The following LSAMP variants were observed in gnomAD, a reference collection of about 807,000 sequenced individuals.
LSAMP encodes the protein limbic system associated membrane protein, also known as limbic system-associated membrane protein.
A neutral mutation model predicts 38.6 loss-of-function variants in LSAMP; 7 were observed. The observed-to-expected ratio is 0.18, with a 90% confidence interval of 0.10 to 0.34. LSAMP has a LOEUF of 0.34. Among genes scored for constraint, LSAMP ranks in the 10% least tolerant of loss-of-function variants. LSAMP has a pLI of 1.00. For synonymous variants in LSAMP, 154 were observed against 166.8 expected (o/e 0.92, Z 0.59); for missense variants, 313 against 420.0 (o/e 0.75, Z 2.23).
rs540773703 is a variant in LSAMP, at chr3:115,945,662, C to A, written c.514+73853G>T. Among the ~76,000 whole-genome samples the A allele has an allele frequency of 5.3e-4, 80 of 152,160 alleles. 1 individual carries two copies. Among genetic ancestry groups the A allele is most frequent in the African/African-American group, 1.7e-3 (72 of 41,512 alleles). On this transcript the variant is annotated intron_variant, in intron 3 of 6. Coordinates refer to ENST00000490035, the MANE Select transcript of LSAMP (RefSeq NM_002338.5). ...CATCAATTTTTCTGGTCCTAGCATC[C>A]AACCACTTTTCCCTTCTAATGTGAC...
chr3:116,436,307 A>G (rs558562767), intron 1 of LSAMP, among the ~76,000 whole-genome samples: 1 of 152,342 alleles, frequency 6.6e-6, no homozygotes, highest in East Asian at 1.9e-4. Context: ...TTTATGACCC[A>G]AAACCCAAAA....
intron 3 of LSAMP, among the ~76,000 whole-genome samples, chr3:115,893,795 G>A (rs1936661685): frequency 6.6e-6 from 1 of 151,906 alleles, no homozygotes; most frequent in Admixed American, 6.6e-5. Flanking sequence ...AAATAAAAAT[G>A]GACTTTTACA....
intron 1 of LSAMP, among the ~76,000 whole-genome samples, chr3:116,302,131 C>T (rs1559820105): frequency 6.6e-6 from 1 of 152,142 alleles, no homozygotes; most frequent in Non-Finnish European, 1.5e-5. Context: ...AATTGTGACC[C>T]AATAATGCAA....
chr3:116,015,886 G>A (rs190961460), intron 3 of LSAMP, among the ~76,000 whole-genome samples: 8 of 152,194 alleles, frequency 5.3e-5, no homozygotes, highest in African/African-American at 1.7e-4. Flanking sequence ...TGAACCCTGC[G>A]TAGAATCTTC....
intron 5 of LSAMP, 147 bp downstream of exon 5, chr3:115,842,311 A>T: frequency 8.5e-7 from 1 of 1,170,856 alleles, no homozygotes; most frequent in Non-Finnish European, 1.2e-6. Flanking sequence ...GGCCCCAAAG[A>T]ATTTGATAAG....
At chr3:116,205,813 TA>T (rs2046058995) in intron 1 of LSAMP, among the ~76,000 whole-genome samples, 1 of 103,834 alleles carries the variant, frequency 9.6e-6, no homozygotes, top group Admixed American at 1.1e-4. Context: ...GCCAGTATTT[TA>T]TTGAGGATTT....
intron 3 of LSAMP, among the ~76,000 whole-genome samples, chr3:115,979,938 C>T (rs1005150116): frequency 6.6e-6 from 1 of 151,978 alleles, no homozygotes; most frequent in Admixed American, 6.6e-5. Flanking sequence ...CTTAAAGGTG[C>T]CCTTTAATCA....
chr3:116,163,657 A>C (rs1450062903), intron 1 of LSAMP, among the ~76,000 whole-genome samples: 3 of 151,964 alleles, frequency 2.0e-5, no homozygotes, highest in African/African-American at 4.8e-5. Context: ...GCCACACTGA[A>C]TTCCACGATG....
At position 116,349,519 on chromosome 3, in the gene LSAMP, A is replaced by T. The variant is rs147833017; in HGVS notation, c.155+95358T>A. 3.5e-3 allele frequency among the ~76,000 whole-genome samples: 515 copies of T among 148,826 alleles called. 2 individuals are homozygous for T. The highest frequency in any genetic ancestry group is 9.7e-3 in the African/African-American group (395 of 40,574). Reference sequence around the variant, plus strand: ...CACACACACTCTCTCTCTCTCTCTCACACACACACACACACACTCACATAT... The same window carrying T: ...CACACACACTCTCTCTCTCTCTCTCTCACACACACACACACACTCACATAT... On this transcript the variant is annotated intron_variant, in intron 1 of 6. Transcript: ENST00000490035.
chr3:115,918,868 A>G (rs1937317347), intron 3 of LSAMP, among the ~76,000 whole-genome samples: 1 of 152,118 alleles, frequency 6.6e-6, no homozygotes, highest in Non-Finnish European at 1.5e-5. Flanking sequence ...CCTTTGTGCT[A>G]AATTCCTTAC....
chr3:115,952,267 G>A (rs974517712), intron 3 of LSAMP, among the ~76,000 whole-genome samples: 2 of 152,254 alleles, frequency 1.3e-5, no homozygotes, highest in African/African-American at 2.4e-5. Flanking sequence ...ACTTGCACAC[G>A]CATGTTTATA....
chr3:116,080,948 A>C (rs1707857583), intron 2 of LSAMP, among the ~76,000 whole-genome samples: 3 of 152,230 alleles, frequency 2.0e-5, no homozygotes, highest in Admixed American at 2.0e-4. Flanking sequence ...AATCAATGCA[A>C]CATGAGTTTA....
intron 6 of LSAMP, among the ~76,000 whole-genome samples, chr3:115,810,871 A>ACGACTC (rs1933805387): frequency 6.6e-6 from 1 of 152,096 alleles, no homozygotes; most frequent in African/African-American, 2.4e-5. Context: ...GAACCAATCC[A>ACGACTC]CGACTCCCTC....
chr3:116,154,083 T>C (rs1709685417), intron 1 of LSAMP, among the ~76,000 whole-genome samples: 1 of 152,112 alleles, frequency 6.6e-6, no homozygotes, highest in African/African-American at 2.4e-5. Context: ...ATGGAGTGGT[T>C]GTGAGAATTA....
intron 1 of LSAMP, among the ~76,000 whole-genome samples, chr3:116,249,991 T>C (rs932084669): frequency 6.6e-6 from 1 of 152,206 alleles, no homozygotes; most frequent in Non-Finnish European, 1.5e-5. Flanking sequence ...AATCCTATTT[T>C]ATTAACAAAG....
At chr3:116,291,718 C>T (rs1294746119) in intron 1 of LSAMP, among the ~76,000 whole-genome samples, 1 of 152,136 alleles carries the variant, frequency 6.6e-6, no homozygotes, top group Non-Finnish European at 1.5e-5. Flanking sequence ...CCCATTGTAA[C>T]TTCCCACACT....
chr3:116,112,348 C>T (rs540453984), intron 1 of LSAMP, among the ~76,000 whole-genome samples: 5 of 152,250 alleles, frequency 3.3e-5, no homozygotes, highest in South Asian at 4.1e-4. Flanking sequence ...GGGGAGAGAA[C>T]AGAATTCAGC....
intron 3 of LSAMP, among the ~76,000 whole-genome samples, chr3:115,920,052 C>A (rs1937346865): frequency 6.6e-6 from 1 of 152,180 alleles, no homozygotes. Flanking sequence ...GAATAATATT[C>A]TCTTGCATAT....
intron 1 of LSAMP, among the ~76,000 whole-genome samples, chr3:116,182,058 G>A (rs1553711217): frequency 6.6e-6 from 1 of 151,880 alleles, no homozygotes; most frequent in Non-Finnish European, 1.5e-5. Context: ...GTGTCAATGG[G>A]AATTGCTAGC....
Sources: allele counts gnomAD v4.1 joint callset (sites outside exome capture counted in the v4.1 genomes callset), GRCh38; gene constraint gnomAD v4.1.1; transcripts MANE v1.5; gene names NCBI Gene and HGNC (gene_info 2026-07-23, HGNC 2026-07-21).